The following CRB1 variants were observed in gnomAD, a reference collection of about 807,000 sequenced individuals.
CRB1 encodes the protein protein crumbs homolog 1.
A neutral mutation model predicts 120.0 loss-of-function variants in CRB1; 83 were observed. That is an observed-to-expected ratio of 0.69 (90% confidence interval 0.58 to 0.83). CRB1 has a LOEUF of 0.83. Ranked by LOEUF, CRB1 falls within the 40% of genes least tolerant of loss-of-function variation. The probability of loss-of-function intolerance (pLI) is 0.00; values close to 1 mark genes in which losing one functional copy is unlikely to be tolerated. For missense variants in CRB1, 1,699 were observed against 1,687.6 expected (o/e 1.01, Z -0.12); for synonymous variants, 625 against 612.5 (o/e 1.02, Z -0.30).
chr1:197,336,180 A>C (rs1457870806), intron 2 of CRB1, among the ~76,000 whole-genome samples: 1 of 152,190 alleles, frequency 6.6e-6, no homozygotes, highest in Non-Finnish European at 1.5e-5. Context: ...GTCCTCATCC[A>C]TGCTGATGCA....
chr1:197,209,810 C>G, the CRB1 span, among the ~76,000 whole-genome samples: 2 of 152,184 alleles, frequency 1.3e-5, no homozygotes, highest in Admixed American at 1.3e-4. Flanking sequence ...TGTCTCAGCT[C>G]CAGGTAAGTC....
intron 2 of CRB1, among the ~76,000 whole-genome samples, chr1:197,344,030 A>ACTT (rs1379507679): frequency 1.3e-5 from 2 of 152,236 alleles, no homozygotes; most frequent in Non-Finnish European, 2.9e-5. Context: ...TCTAAAAATG[A>ACTT]CTTATTTGTT....
At chr1:197,266,961 A>G (rs1461319450), upstream of CRB1, among the ~76,000 whole-genome samples, 1 of 152,154 alleles carries the variant, frequency 6.6e-6, no homozygotes, top group Non-Finnish European at 1.5e-5. Flanking sequence ...TAGATGTCCC[A>G]GAATGGTATC....
the CRB1 span, among the ~76,000 whole-genome samples, chr1:197,237,647 G>A: frequency 6.6e-6 from 1 of 152,144 alleles, no homozygotes; most frequent in Non-Finnish European, 1.5e-5. Context: ...TATCATATTT[G>A]TAGACACAGT....
At chr1:197,394,888 A>T (rs1405206115) in intron 5 of CRB1, among the ~76,000 whole-genome samples, 1 of 152,074 alleles carries the variant, frequency 6.6e-6, no homozygotes, top group Non-Finnish European at 1.5e-5. Context: ...GTTGCACTCA[A>T]ATAAGATGGG....
At chr1:197,470,429 T>C (rs1036377852) in intron 11 of CRB1, among the ~76,000 whole-genome samples, 4 of 152,238 alleles carry the variant, frequency 2.6e-5, no homozygotes, top group Non-Finnish European at 5.9e-5. Context: ...TAAAAACATC[T>C]GGCAAACCAC....
chr1:197,390,072 G>T (rs923893176), intron 5 of CRB1, among the ~76,000 whole-genome samples: 1 of 148,238 alleles, frequency 6.7e-6, no homozygotes, highest in Non-Finnish European at 1.5e-5. Flanking sequence ...CTGAGAAGGG[G>T]AACAGGAGAC....
intron 1 of CRB1, among the ~76,000 whole-genome samples, chr1:197,293,600 G>A (rs879368474): frequency 1.5e-4 from 23 of 151,930 alleles, no homozygotes; most frequent in Non-Finnish European, 2.4e-4. Flanking sequence ...AGCCCGCGTC[G>A]CCAAGTCAAT....
At chr1:197,451,057 C>T (rs1009365376) in intron 11 of CRB1, among the ~76,000 whole-genome samples, 1 of 148,820 alleles carries the variant, frequency 6.7e-6, no homozygotes, top group Non-Finnish European at 1.5e-5. Context: ...AGCAAGTTAA[C>T]ATTAGAAGTA....
At chr1:197,207,289 T>C in the CRB1 span, among the ~76,000 whole-genome samples, 9 of 152,068 alleles carry the variant, frequency 5.9e-5, no homozygotes, top group South Asian at 2.1e-4. Context: ...CTTTTTTTTT[T>C]CATTGGGTTT....
At chr1:197,385,697 G>T (rs1438493334) in intron 5 of CRB1, among the ~76,000 whole-genome samples, 1 of 151,980 alleles carries the variant, frequency 6.6e-6, no homozygotes, top group East Asian at 1.9e-4. Flanking sequence ...GGGGACTATA[G>T]AGAGTTGGAG....
chr1:197,298,397 C>T (rs542316308), intron 1 of CRB1, among the ~76,000 whole-genome samples: 9 of 152,204 alleles, frequency 5.9e-5, no homozygotes, highest in Non-Finnish European at 7.4e-5. Context: ...GTTCTATTTA[C>T]TCTGCAAGTA....
chr1:197,389,334 C>T (rs1662376497), intron 5 of CRB1, among the ~76,000 whole-genome samples: 2 of 152,044 alleles, frequency 1.3e-5, no homozygotes, highest in Non-Finnish European at 2.9e-5. Context: ...ATATACCATA[C>T]ATATATCATG....
intron 1 of CRB1, among the ~76,000 whole-genome samples, chr1:197,301,983 C>T (rs1195291016): frequency 6.6e-6 from 1 of 152,066 alleles, no homozygotes; most frequent in East Asian, 1.9e-4. Flanking sequence ...AAACATAACT[C>T]ATAAAACAGC....
chr1:197,438,772 C>A, intron 10 of CRB1, 97 bp downstream of exon 10: 1 of 1,465,100 alleles, frequency 6.8e-7, no homozygotes, highest in African/African-American at 1.4e-5. Context: ...TATCTCAGTT[C>A]CCATAGGAAA....
At chr1:197,406,849 T>A (rs1338274078) in intron 5 of CRB1, among the ~76,000 whole-genome samples, 1 of 152,180 alleles carries the variant, frequency 6.6e-6, no homozygotes, top group African/African-American at 2.4e-5. Flanking sequence ...AATATTTACA[T>A]ATTAATTACC....
chr1:197,450,138 C>T (rs1665890990), intron 11 of CRB1, among the ~76,000 whole-genome samples: 1 of 152,126 alleles, frequency 6.6e-6, no homozygotes, highest in African/African-American at 2.4e-5. Context: ...TTGTTTTTTG[C>T]TATTCCATCT....
chr1:197,344,582 G>C, intron 3 of CRB1, 106 bp downstream of exon 3: 1 of 1,081,450 alleles, frequency 9.2e-7, no homozygotes, highest in Non-Finnish European at 1.4e-6. Flanking sequence ...TTAAAATTTG[G>C]GGTGTAACTT....
At chr1:197,241,301 G>C in the CRB1 span, among the ~76,000 whole-genome samples, 1 of 151,900 alleles carries the variant, frequency 6.6e-6, no homozygotes, top group African/African-American at 2.4e-5. Context: ...ATGGTATTCT[G>C]TAGGTTTTAC....
Sources: allele counts gnomAD v4.1 joint callset (sites outside exome capture counted in the v4.1 genomes callset), GRCh38; gene constraint gnomAD v4.1.1; transcripts MANE v1.5; gene names NCBI Gene and HGNC (gene_info 2026-07-23, HGNC 2026-07-21).